The following SKAP2 variants were observed in gnomAD, a reference collection of about 807,000 sequenced individuals.
The protein encoded by SKAP2 is src kinase-associated phosphoprotein 2.
A neutral mutation model predicts 54.9 loss-of-function variants in SKAP2; 28 were observed. The ratio of observed to expected loss-of-function variants is 0.51; its 90% CI spans 0.38 to 0.70. The LOEUF (loss-of-function observed/expected upper bound fraction) is 0.70, where lower values mean the gene tolerates loss of function less well. Ranked by LOEUF, SKAP2 falls within the 30% of genes least tolerant of loss-of-function variation. The pLI, the probability that SKAP2 is intolerant of heterozygous loss-of-function variation, is 0.00. For synonymous variants in SKAP2, 137 were observed against 134.3 expected (o/e 1.02, Z -0.14); for missense variants, 356 against 424.1 (o/e 0.84, Z 1.41).
chr7:26,854,608 T>C (rs1372283117), intron 2 of SKAP2, among the ~76,000 whole-genome samples, 177 bp downstream of exon 2: 1 of 152,024 alleles, frequency 6.6e-6, no homozygotes, highest in Non-Finnish European at 1.5e-5. Context: ...ATGATAAGCA[T>C]ATCTGTGTTT....
At chr7:26,738,505 C>T (rs1011667718) in intron 6 of SKAP2, among the ~76,000 whole-genome samples, 4 of 152,144 alleles carry the variant, frequency 2.6e-5, no homozygotes, top group African/African-American at 4.8e-5. Context: ...AATTCTACAA[C>T]AGTAGGCTGG....
chr7:26,708,106 C>T (rs553569300), intron 9 of SKAP2, among the ~76,000 whole-genome samples: 140 of 152,252 alleles, frequency 9.2e-4, no homozygotes, highest in African/African-American at 3.2e-3. Context: ...CAGAAGTCAA[C>T]CCTGAAAGCT....
intron 4 of SKAP2, among the ~76,000 whole-genome samples, chr7:26,792,099 C>A (rs1221478335): frequency 1.3e-5 from 2 of 152,154 alleles, no homozygotes; most frequent in South Asian, 2.1e-4. Context: ...TCTCTGGCTA[C>A]ATATTGTATA....
chr7:26,842,909 G>T (rs563198031), intron 4 of SKAP2, among the ~76,000 whole-genome samples: 1 of 151,766 alleles, frequency 6.6e-6, no homozygotes, highest in Non-Finnish European at 1.5e-5. Context: ...TTTAAAAATA[G>T]AAATTAAATG....
At chr7:26,709,377 G>C (rs1426491650) in intron 9 of SKAP2, among the ~76,000 whole-genome samples, 1 of 152,134 alleles carries the variant, frequency 6.6e-6, no homozygotes, top group Non-Finnish European at 1.5e-5. Flanking sequence ...GTGTGGAGTG[G>C]AAAAGGGAAA....
intron 4 of SKAP2, among the ~76,000 whole-genome samples, chr7:26,839,046 T>C (rs1554306201): frequency 6.6e-6 from 1 of 152,202 alleles, no homozygotes; most frequent in Non-Finnish European, 1.5e-5. Context: ...TGAGTTTTAC[T>C]TAACCTTTGC....
intron 6 of SKAP2, among the ~76,000 whole-genome samples, chr7:26,729,529 A>G (rs1451818000): frequency 6.6e-6 from 1 of 152,178 alleles, no homozygotes; most frequent in Non-Finnish European, 1.5e-5. Flanking sequence ...GGCTGAGACA[A>G]GTAGAAATTA....
chr7:26,794,061 A>T (rs1164323075), intron 4 of SKAP2, among the ~76,000 whole-genome samples: 1 of 152,240 alleles, frequency 6.6e-6, no homozygotes, highest in African/African-American at 2.4e-5. Flanking sequence ...ACAAATTAAA[A>T]GCAAACAAGA....
chr7:26,788,813 T>C (rs998724479), intron 4 of SKAP2, among the ~76,000 whole-genome samples: 1 of 151,200 alleles, frequency 6.6e-6, no homozygotes, highest in African/African-American at 2.5e-5. Context: ...TATACACAGA[T>C]ACACACGTGC....
At chr7:26,835,288 A>G (rs1784684205) in intron 4 of SKAP2, among the ~76,000 whole-genome samples, 1 of 152,180 alleles carries the variant, frequency 6.6e-6, no homozygotes, top group Non-Finnish European at 1.5e-5. Context: ...AAGTGGCACA[A>G]GACAAGGATG....
intron 4 of SKAP2, among the ~76,000 whole-genome samples, chr7:26,775,530 CGTGTGT>C (rs59902431): frequency 0.58 from 84,117 of 146,024 alleles, 25,423 homozygotes; most frequent in Non-Finnish European, 0.67. Context: ...TTTACTTGTA[CGTGTGT>C]GTGTGTGTGT....
chr7:26,718,767 G>T (rs1292255662), intron 9 of SKAP2, among the ~76,000 whole-genome samples: 1 of 152,048 alleles, frequency 6.6e-6, no homozygotes, highest in African/African-American at 2.4e-5. Flanking sequence ...GCCTCCCAAA[G>T]TGCTGGGATT....
chr7:26,753,872 C>A (rs1179908486), intron 4 of SKAP2, among the ~76,000 whole-genome samples: 1 of 152,170 alleles, frequency 6.6e-6, no homozygotes, highest in African/African-American at 2.4e-5. Flanking sequence ...AGCAAGATAG[C>A]CGTAAGACAT....
At chr7:26,669,705 C>G (rs1786188052) in intron 12 of SKAP2, 49 bp from the exon 13 acceptor site, 1 of 152,410 alleles carries the variant, frequency 6.6e-6, no homozygotes. Context: ...TCAGCTGAAA[C>G]TTGATTTTTC....
At chr7:26,702,776 TA>T (rs1395299481) in intron 9 of SKAP2, among the ~76,000 whole-genome samples, 1 of 152,228 alleles carries the variant, frequency 6.6e-6, no homozygotes, top group Non-Finnish European at 1.5e-5. Flanking sequence ...TTAATATTTA[TA>T]GGGCAATTAT....
At position 26,836,115 on chromosome 7, in the gene SKAP2, G is replaced by T. The variant is rs141741326; in HGVS notation, c.307+7915C>A. ...GGAAATGATTCCCTATTTAATAAAT[G>T]CTGTTGGGAAAACTGGCCAGCCATA... On this transcript the variant is annotated intron_variant, in intron 4 of 12. Transcript: ENST00000345317. Among the ~76,000 whole-genome samples the T allele has an allele frequency of 3.0e-3, 455 of 152,290 alleles. 5 individuals carry two copies. Among genetic ancestry groups the T allele is most frequent in the African/African-American group, 0.01 (433 of 41,540 alleles).
intron 4 of SKAP2, among the ~76,000 whole-genome samples, chr7:26,761,797 G>C (rs1175893891): frequency 9.9e-5 from 15 of 152,224 alleles, no homozygotes; most frequent in Non-Finnish European, 4.4e-5. Flanking sequence ...CAACTCGGGA[G>C]TCTGAGGCAC....
chr7:26,692,197 G>C (rs1786800702), intron 9 of SKAP2, among the ~76,000 whole-genome samples: 1 of 152,144 alleles, frequency 6.6e-6, no homozygotes, highest in African/African-American at 2.4e-5. Context: ...GGAATGAGGG[G>C]GGGGAAAAGA....
intron 4 of SKAP2, among the ~76,000 whole-genome samples, chr7:26,765,993 T>C (rs1282767216): frequency 2.0e-5 from 3 of 152,198 alleles, no homozygotes; most frequent in Non-Finnish European, 4.4e-5. Flanking sequence ...GTAGTTTTTT[T>C]CTAATTCAGT....
Sources: gnomAD v4.1 joint callset for allele counts (sites outside exome capture counted in the v4.1 genomes callset) on GRCh38, gnomAD v4.1.1 for gene constraint, MANE v1.5 for transcripts, NCBI Gene and HGNC (gene_info 2026-07-23, HGNC 2026-07-21) for gene names.